Variants in SORCS1 observed in about 807,000 individuals in gnomAD.
SORCS1 encodes VPS10 domain-containing receptor SorCS1.
Under a neutral mutation model 146.1 loss-of-function variants are expected in SORCS1, and 60 were observed. The observed-to-expected ratio is 0.41, with a 90% CI of 0.33 to 0.51. The LOEUF (loss-of-function observed/expected upper bound fraction) is 0.51, where lower values mean the gene tolerates loss of function less well. Ranked by LOEUF, SORCS1 falls within the 20% of genes least tolerant of loss-of-function variation. SORCS1 has a pLI of 0.21. For synonymous variants in SORCS1, 637 were observed against 584.0 expected (o/e 1.09, Z -1.31); for missense variants, 1,352 against 1,487.6 (o/e 0.91, Z 1.50).
chr10:106,620,053 T>TCTAC (rs1243193944), intron 20 of SORCS1: 2 of 157,622 alleles, frequency 1.3e-5, no homozygotes, highest in African/African-American at 4.8e-5. Context: ...CACCTCCCTC[T>TCTAC]CTACCCCCAG....
chr10:106,935,345 T>C (rs1165954939), intron 2 of SORCS1, among the ~76,000 whole-genome samples: 3 of 152,316 alleles, frequency 2.0e-5, no homozygotes, highest in East Asian at 3.9e-4. Context: ...CAAAGAGATA[T>C]GGAAACTTGG....
intron 3 of SORCS1, among the ~76,000 whole-genome samples, chr10:106,809,140 T>G (rs1564684423): frequency 1.3e-5 from 2 of 152,064 alleles, no homozygotes; most frequent in African/African-American, 4.8e-5. Context: ...CTTCTTCTTT[T>G]TGTTTTGTTT....
At position 107,164,563 on chromosome 10, in the gene SORCS1, A is replaced by G; in HGVS notation, c.-37T>C. 7.6e-7 allele frequency: 1 copy of G among 1,318,876 alleles called. No homozygotes were observed. 81.7% of individuals were successfully genotyped at this position (1,318,876 alleles called of 1,614,324 possible). ...AGAGCAGCGGAGAGAGGGGTCCCAG[A>G]ACGAAGGTGGCGGCACGAGCTCTGC... On this transcript the variant is annotated 5_prime_UTR_variant, in exon 1 of 26. Coordinates refer to ENST00000263054, the MANE Select transcript of SORCS1 (RefSeq NM_052918.5). The surrounding 1 kb of genome is among the most constrained non-coding windows in gnomAD (Gnocchi z 6.8).
chr10:107,059,790 C>T (rs542460816), intron 1 of SORCS1, among the ~76,000 whole-genome samples: 2 of 152,068 alleles, frequency 1.3e-5, no homozygotes, highest in East Asian at 3.9e-4. Flanking sequence ...GCACATCCTT[C>T]TACCATCAAG....
intron 1 of SORCS1, among the ~76,000 whole-genome samples, chr10:107,114,040 A>T (rs1449519086): frequency 6.6e-6 from 1 of 152,196 alleles, no homozygotes; most frequent in Non-Finnish European, 1.5e-5. Flanking sequence ...AAATTGGATA[A>T]CTTAGAGGAA....
intron 19 of SORCS1, among the ~76,000 whole-genome samples, chr10:106,627,637 C>A (rs563228667): frequency 6.6e-6 from 1 of 152,104 alleles, no homozygotes; most frequent in Admixed American, 6.5e-5. Flanking sequence ...CTATATAGGA[C>A]GAGTTAGGGA....
chr10:106,834,686 A>C (rs1404634402), intron 2 of SORCS1, among the ~76,000 whole-genome samples: 1 of 152,224 alleles, frequency 6.6e-6, no homozygotes, highest in Non-Finnish European at 1.5e-5. Flanking sequence ...AAAACAAAAA[A>C]CAAAAAAAGG....
intron 2 of SORCS1, among the ~76,000 whole-genome samples, chr10:106,898,504 A>C (rs1427424146): frequency 6.6e-6 from 1 of 152,222 alleles, no homozygotes; most frequent in East Asian, 1.9e-4. Context: ...CCATTCCGAA[A>C]TGAGCATGGC....
At position 106,738,549 on chromosome 10, in the gene SORCS1, G is replaced by A. The variant is rs186223699; in HGVS notation, c.960-8435C>T. The stretch of plus-strand genomic sequence containing the variant: ...CTTGTGTTGATGTTAAAATCAGTGT[G>A]AGAGGAAGGAGGCTGGAGATCCTGC... On this transcript the variant is annotated intron_variant, in intron 5 of 25. Coordinates refer to ENST00000263054, the MANE Select transcript of SORCS1 (RefSeq NM_052918.5). Among the ~76,000 whole-genome samples, 4 of 152,218 alleles carry A rather than the reference G, an allele frequency of 2.6e-5. No individual in the cohort carries two copies. The South Asian group carries it at 8.3e-4, about 32-fold the overall frequency.
At chr10:107,011,687 A>G (rs1312800635) in intron 1 of SORCS1, among the ~76,000 whole-genome samples, 1 of 152,202 alleles carries the variant, frequency 6.6e-6, no homozygotes, top group Non-Finnish European at 1.5e-5. Flanking sequence ...ATACAAGAGA[A>G]CAGACAGAAT....
At chr10:107,089,108 T>G (rs1001315522) in intron 1 of SORCS1, among the ~76,000 whole-genome samples, 6 of 152,182 alleles carry the variant, frequency 3.9e-5, no homozygotes, top group African/African-American at 1.4e-4. Flanking sequence ...ACATCAATAG[T>G]CATAATCACC....
intron 2 of SORCS1, among the ~76,000 whole-genome samples, chr10:106,879,081 C>A (rs532798793): frequency 6.7e-6 from 1 of 150,096 alleles, no homozygotes; most frequent in African/African-American, 2.5e-5. Flanking sequence ...ACCCGGGAGG[C>A]AGAGCTTGCA....
At chr10:107,097,940 G>A (rs1296571068) in intron 1 of SORCS1, among the ~76,000 whole-genome samples, 1 of 152,050 alleles carries the variant, frequency 6.6e-6, no homozygotes, top group Non-Finnish European at 1.5e-5. Context: ...ATGTAATACA[G>A]GAAAAAAATG....
chr10:106,844,349 T>C (rs867184973), intron 2 of SORCS1, among the ~76,000 whole-genome samples: 2 of 152,110 alleles, frequency 1.3e-5, no homozygotes, highest in African/African-American at 2.4e-5. Flanking sequence ...TTGGTGTCTG[T>C]GCTTTTGGTG....
Position 106,956,733 on chromosome 10 carries a change from T to C in SORCS1, c.559-153A>G, listed in dbSNP as rs944211276. 43 of 677,368 alleles carry C rather than the reference T, an allele frequency of 6.3e-5. No homozygotes were observed. The African/African-American group carries it at 6.9e-4, about 11-fold the overall frequency. 42.0% of individuals were successfully genotyped at this position (677,368 alleles called of 1,614,324 possible). On this transcript the variant is annotated intron_variant, in intron 1 of 25. Transcript: ENST00000263054. ...ATTTGCCACACTGACTGGGGAAAGG[T>C]TGGCTTGTCTTTCTGCCTTCCACTG...
chr10:106,687,168 T>A lies in SORCS1; in HGVS notation c.1560+1024A>T, dbSNP rs185797945. 2.0e-4 allele frequency among the ~76,000 whole-genome samples: 31 copies of A among 152,294 alleles called. No homozygotes were observed. The East Asian group carries it at 6.0e-3, about 29-fold the overall frequency. The stretch of plus-strand genomic sequence containing the variant: ...TCATTACTTATCTGTGTGTCAAAAT[T>A]GGGGCAGGCATCAGAGCTACTAAGA... On this transcript the variant is annotated intron_variant, in intron 10 of 25. Coordinates refer to ENST00000263054, the MANE Select transcript of SORCS1 (RefSeq NM_052918.5).
intron 1 of SORCS1, among the ~76,000 whole-genome samples, chr10:107,042,308 C>T (rs1959173276): frequency 1.3e-5 from 2 of 152,198 alleles, no homozygotes; most frequent in East Asian, 3.8e-4. Context: ...CAACGAATAG[C>T]TTTACACTGG....
chr10:106,898,985 G>T (rs1026156393), intron 2 of SORCS1, among the ~76,000 whole-genome samples: 1 of 152,122 alleles, frequency 6.6e-6, no homozygotes, highest in Non-Finnish European at 1.5e-5. Context: ...TAGATTAATT[G>T]ATTTTAGATT....
intron 3 of SORCS1, among the ~76,000 whole-genome samples, chr10:106,812,711 GT>G (rs1350290672): frequency 1.3e-5 from 2 of 152,126 alleles, no homozygotes; most frequent in Non-Finnish European, 2.9e-5. Context: ...ATGCATGTAT[GT>G]ATATTATGTA....
Sources: gnomAD v4.1 joint callset for allele counts (sites outside exome capture counted in the v4.1 genomes callset) on GRCh38, gnomAD v4.1.1 for gene constraint, Gnocchi (gnomAD v3.1) non-coding constraint, MANE v1.5 for transcripts, NCBI Gene and HGNC (gene_info 2026-07-23, HGNC 2026-07-21) for gene names.